SYT16: variants seen among roughly 807,000 people sequenced by gnomAD.
SYT16 encodes synaptotagmin-16.
SYT16 carries 42 observed loss-of-function variants against 61.4 expected under a neutral mutation model. That is an observed-to-expected ratio of 0.68 (90% CI 0.53 to 0.89). The LOEUF (loss-of-function observed/expected upper bound fraction) is 0.89. SYT16 is among the 40% of genes least tolerant of loss of function. SYT16 has a pLI of 0.00. For missense variants in SYT16, 804 were observed against 807.3 expected (o/e 1.00, Z 0.05); for synonymous variants, 314 against 302.3 (o/e 1.04, Z -0.40).
chr14:61,819,972 G>T (rs768626039), intron 1 of SYT16, among the ~76,000 whole-genome samples: 8 of 152,082 alleles, frequency 5.3e-5, no homozygotes, highest in Non-Finnish European at 7.3e-5. Flanking sequence ...TTCCAATGGC[G>T]TGTACCTCCC....
At chr14:61,914,668 A>G (rs146472648) in intron 1 of SYT16, among the ~76,000 whole-genome samples, 2 of 152,288 alleles carry the variant, frequency 1.3e-5, no homozygotes, top group East Asian at 1.9e-4. Context: ...CAGTCTATCT[A>G]TCAGTCATCC....
intron 1 of SYT16, among the ~76,000 whole-genome samples, chr14:61,816,036 G>T (rs532617638): frequency 3.3e-4 from 50 of 152,334 alleles, no homozygotes; most frequent in Non-Finnish European, 1.0e-4. Flanking sequence ...TCAGGTGGAT[G>T]TGTCTTTGGG....
At chr14:61,995,833 T>G in intron 2 of SYT16, 43 bp from the exon 3 acceptor site, 1 of 566,094 alleles carries the variant, frequency 1.8e-6, no homozygotes, top group Non-Finnish European at 3.0e-6. Context: ...GGGTCTGAGG[T>G]TGTAACTTTA....
At chr14:61,975,936 AG>A (rs1165511803) in intron 2 of SYT16, among the ~76,000 whole-genome samples, 2 of 152,168 alleles carry the variant, frequency 1.3e-5, no homozygotes, top group Non-Finnish European at 2.9e-5. Context: ...ATCTGAGACA[AG>A]GCAAGTCCCT....
At chr14:61,868,348 C>T (rs1019077318) in intron 1 of SYT16, among the ~76,000 whole-genome samples, 1 of 151,450 alleles carries the variant, frequency 6.6e-6, no homozygotes. Flanking sequence ...TTAATTTTTG[C>T]TTTCATCTGC....
chr14:62,069,649 T>C lies in SYT16; in HGVS notation c.570T>C (p.Ser190=). Residue 190 remains serine (S), a synonymous_variant, in exon 4 of 8, where the codon AGT becomes AGC. Transcript: ENST00000683842. ...AAGAGCTGTCCACATCTTCTGACAG[T>C]GACGAGGAGGTGATCAAACAATTTG... The part of the protein sequence containing the change: ...DDEELSTSSD[S]DEEVIKQFEI... The C allele has an allele frequency of 1.2e-6, 2 of 1,613,936 alleles. No individual in the cohort carries two copies. Among genetic ancestry groups the C allele is most frequent in the Non-Finnish European group, 1.7e-6 (2 of 1,179,864 alleles).
At chr14:61,987,646 C>T (rs572349723) in intron 2 of SYT16, among the ~76,000 whole-genome samples, 16 of 151,654 alleles carry the variant, frequency 1.1e-4, no homozygotes, top group South Asian at 2.1e-4. Context: ...CTATATAACC[C>T]GATGATAACT....
chr14:61,841,422 G>A (rs1038390734), intron 1 of SYT16, among the ~76,000 whole-genome samples: 5 of 152,192 alleles, frequency 3.3e-5, no homozygotes, highest in South Asian at 2.1e-4. Flanking sequence ...TCATTAGCAT[G>A]TAATTAGAAG....
intron 3 of SYT16, among the ~76,000 whole-genome samples, chr14:62,007,137 A>G (rs561298396): frequency 2.4e-4 from 36 of 152,290 alleles, no homozygotes; most frequent in African/African-American, 8.7e-4. Context: ...GCTTGTGGCA[A>G]TTGAGACTAA....
At chr14:61,865,793 A>C (rs1003271160) in intron 1 of SYT16, among the ~76,000 whole-genome samples, 2 of 152,114 alleles carry the variant, frequency 1.3e-5, no homozygotes, top group African/African-American at 4.8e-5. Context: ...AACATGTGAG[A>C]TGTAATGTGA....
At chr14:62,001,660 A>T (rs953899274) in intron 3 of SYT16, among the ~76,000 whole-genome samples, 4 of 151,954 alleles carry the variant, frequency 2.6e-5, no homozygotes, top group African/African-American at 9.7e-5. Flanking sequence ...TTTGGTGATC[A>T]TGTCTTCAAA....
At chr14:62,029,398 T>C (rs976523170) in intron 3 of SYT16, among the ~76,000 whole-genome samples, 6 of 152,224 alleles carry the variant, frequency 3.9e-5, no homozygotes, top group African/African-American at 1.4e-4. Context: ...TGTTTCATGC[T>C]GGGAATAGGC....
At chr14:61,821,598 C>A (rs1021630420) in intron 1 of SYT16, among the ~76,000 whole-genome samples, 4 of 152,208 alleles carry the variant, frequency 2.6e-5, no homozygotes, top group African/African-American at 9.6e-5. Context: ...AGGCTACCCT[C>A]AATTTCCTTC....
intron 3 of SYT16, among the ~76,000 whole-genome samples, chr14:62,017,989 T>A (rs2353772): frequency 1.3e-5 from 2 of 152,104 alleles, no homozygotes; most frequent in South Asian, 2.1e-4. Context: ...GTGCTGGGAT[T>A]ATAGGCATGA....
At chr14:62,053,635 T>C (rs1018819995) in intron 3 of SYT16, among the ~76,000 whole-genome samples, 5 of 152,210 alleles carry the variant, frequency 3.3e-5, no homozygotes, top group Non-Finnish European at 7.3e-5. Context: ...TTATTCTTAA[T>C]AGTATAATAG....
intron 1 of SYT16, among the ~76,000 whole-genome samples, chr14:61,960,342 G>A (rs2051066152): frequency 6.6e-6 from 1 of 152,136 alleles, no homozygotes; most frequent in Non-Finnish European, 1.5e-5. Context: ...AGCGTGGAAT[G>A]TTTTCCTGTT....
intron 1 of SYT16, among the ~76,000 whole-genome samples, chr14:61,899,757 G>A (rs1455551826): frequency 1.3e-5 from 2 of 152,142 alleles, no homozygotes; most frequent in Non-Finnish European, 2.9e-5. Context: ...GGGAGCAATT[G>A]GGCTCAGAGC....
chr14:62,057,551 G>C (rs1053380352), intron 3 of SYT16, among the ~76,000 whole-genome samples: 2 of 152,184 alleles, frequency 1.3e-5, no homozygotes, highest in African/African-American at 4.8e-5. Flanking sequence ...GTGGGGAGTA[G>C]AGAAATGCAA....
intron 1 of SYT16, among the ~76,000 whole-genome samples, chr14:61,885,663 G>A (rs1248232591): frequency 6.6e-6 from 1 of 152,122 alleles, no homozygotes; most frequent in African/African-American, 2.4e-5. Context: ...AGATATTGCA[G>A]GTTTGGTTCT....
Sources: allele counts gnomAD v4.1 joint callset (sites outside exome capture counted in the v4.1 genomes callset), GRCh38; gene constraint gnomAD v4.1.1; transcripts MANE v1.5; gene names NCBI Gene and HGNC (gene_info 2026-07-23, HGNC 2026-07-21).